The following CTNND2 variants were observed in gnomAD, a reference collection of about 807,000 sequenced individuals.
CTNND2 encodes catenin delta-2.
In CTNND2, 22 loss-of-function variants were observed where a neutral mutation model predicts 144.4. The ratio of observed to expected loss-of-function variants is 0.15; its 90% confidence interval spans 0.11 to 0.22. The LOEUF (loss-of-function observed/expected upper bound fraction) is 0.22. Among genes scored for constraint, CTNND2 ranks in the 10% least tolerant of loss-of-function variants. The pLI is 1.00. For missense variants in CTNND2, 1,353 were observed against 1,618.8 expected (o/e 0.84, Z 2.82); for synonymous variants, 751 against 695.6 (o/e 1.08, Z -1.25).
At chr5:11,234,786 A>T (rs1421855101) in intron 10 of CTNND2, among the ~76,000 whole-genome samples, 1 of 152,078 alleles carries the variant, frequency 6.6e-6, no homozygotes, top group African/African-American at 2.4e-5. Context: ...CTATCTCTTG[A>T]TGTTTGACTT....
chr5:11,090,782 C>A (rs1456691668), intron 15 of CTNND2, among the ~76,000 whole-genome samples: 1 of 151,274 alleles, frequency 6.6e-6, no homozygotes, highest in Non-Finnish European at 1.5e-5. Flanking sequence ...TATGATTGAG[C>A]CCAGTAAGTT....
At chr5:11,711,478 A>T (rs1344149331) in intron 2 of CTNND2, among the ~76,000 whole-genome samples, 1 of 152,176 alleles carries the variant, frequency 6.6e-6, no homozygotes, top group Non-Finnish European at 1.5e-5. Context: ...AGGTTTCACT[A>T]TTGTCTTTTA....
chr5:11,579,266 T>C (rs115574158), intron 2 of CTNND2, among the ~76,000 whole-genome samples: 54 of 152,248 alleles, frequency 3.5e-4, no homozygotes, highest in African/African-American at 1.3e-3. Context: ...TGTAAGAATG[T>C]AGCAGTGATA....
At chr5:11,228,353 CAAAAAAAAAA>C (rs564048343) in intron 10 of CTNND2, among the ~76,000 whole-genome samples, 1 of 26,734 alleles carries the variant, frequency 3.7e-5, no homozygotes, top group African/African-American at 1.1e-4. Context: ...CTCTCTCTCT[CAAAAAAAAAA>C]AAAAAAAAAA....
chr5:11,621,328 ATATTT>A (rs1469515714), intron 2 of CTNND2, among the ~76,000 whole-genome samples: 1 of 152,192 alleles, frequency 6.6e-6, no homozygotes, highest in Non-Finnish European at 1.5e-5. Flanking sequence ...ATTAATCATT[ATATTT>A]TATTTGTAAG....
chr5:11,548,146 T>A (rs938132695), intron 3 of CTNND2, among the ~76,000 whole-genome samples: 1 of 152,178 alleles, frequency 6.6e-6, no homozygotes, highest in Non-Finnish European at 1.5e-5. Flanking sequence ...AAAGAACACA[T>A]AACATATTTA....
chr5:11,773,298 C>G (rs1790053183), intron 1 of CTNND2, among the ~76,000 whole-genome samples: 1 of 152,152 alleles, frequency 6.6e-6, no homozygotes, highest in African/African-American at 2.4e-5. Flanking sequence ...ACAGGTATTA[C>G]TATTAGGACT....
intron 1 of CTNND2, among the ~76,000 whole-genome samples, chr5:11,881,579 A>G (rs1736117403): frequency 6.6e-6 from 1 of 151,784 alleles, no homozygotes. Context: ...AATGTCCTCT[A>G]GGCTTTTCCA....
intron 15 of CTNND2, among the ~76,000 whole-genome samples, chr5:11,084,269 C>G (rs776699235): frequency 6.6e-6 from 1 of 152,192 alleles, no homozygotes; most frequent in South Asian, 2.1e-4. Flanking sequence ...GAACTGATAT[C>G]CCCTCCCAGG....
chr5:11,878,428 A>G (rs1305991192), intron 1 of CTNND2, among the ~76,000 whole-genome samples: 1 of 152,188 alleles, frequency 6.6e-6, no homozygotes, highest in East Asian at 1.9e-4. Context: ...CAGGAGCCCA[A>G]GAAACAATAG....
intron 3 of CTNND2, among the ~76,000 whole-genome samples, chr5:11,420,298 G>A (rs557999463): frequency 7.9e-5 from 12 of 152,218 alleles, no homozygotes; most frequent in African/African-American, 2.4e-4. Context: ...ATTCCAGCCC[G>A]GGCGACAGTG....
chr5:11,706,501 T>A (rs1376371925), intron 2 of CTNND2, among the ~76,000 whole-genome samples: 1 of 152,076 alleles, frequency 6.6e-6, no homozygotes, highest in African/African-American at 2.4e-5. Flanking sequence ...TTTTGGCAAA[T>A]ATATAAAGGC....
At chr5:11,549,916 A>T (rs1775615043) in intron 3 of CTNND2, among the ~76,000 whole-genome samples, 1 of 152,196 alleles carries the variant, frequency 6.6e-6, no homozygotes, top group African/African-American at 2.4e-5. Flanking sequence ...CATCATTATC[A>T]TTCACTAAAT....
chr5:11,833,734 G>C (rs1794028872), intron 1 of CTNND2, among the ~76,000 whole-genome samples: 3 of 152,072 alleles, frequency 2.0e-5, no homozygotes, highest in Admixed American at 1.3e-4. Flanking sequence ...AGGTTGGCCA[G>C]GCTGGTCTTG....
chr5:11,594,906 C>T (rs535235561), intron 2 of CTNND2, among the ~76,000 whole-genome samples: 15 of 152,314 alleles, frequency 9.8e-5, no homozygotes, highest in African/African-American at 3.6e-4. Flanking sequence ...CTTTAAAAGA[C>T]ATGACTCCTG....
At chr5:11,802,050 A>G (rs1342951357) in intron 1 of CTNND2, among the ~76,000 whole-genome samples, 1 of 152,080 alleles carries the variant, frequency 6.6e-6, no homozygotes, top group Non-Finnish European at 1.5e-5. Context: ...AGGCAGAAGG[A>G]TCACTTGAAG....
At chr5:11,581,969 T>A (rs1473478117) in intron 2 of CTNND2, among the ~76,000 whole-genome samples, 2 of 152,184 alleles carry the variant, frequency 1.3e-5, no homozygotes, top group Non-Finnish European at 2.9e-5. Flanking sequence ...GTATCATGTA[T>A]AAATAAATGA....
At chr5:11,327,370 G>A (rs575799419) in intron 9 of CTNND2, among the ~76,000 whole-genome samples, 2 of 152,318 alleles carry the variant, frequency 1.3e-5, no homozygotes, top group South Asian at 4.1e-4. Flanking sequence ...GGTAAGCATT[G>A]TTTGAAACCT....
intron 2 of CTNND2, among the ~76,000 whole-genome samples, chr5:11,636,245 A>T (rs1035964161): frequency 6.6e-6 from 1 of 152,280 alleles, no homozygotes; most frequent in Admixed American, 6.5e-5. Context: ...ATATAGCTAT[A>T]ACTATTGCCA....
Sources: gnomAD v4.1 joint callset for allele counts (sites outside exome capture counted in the v4.1 genomes callset) on GRCh38, gnomAD v4.1.1 for gene constraint, MANE v1.5 for transcripts, NCBI Gene and HGNC (gene_info 2026-07-23, HGNC 2026-07-21) for gene names.